The following DMRT1 variants were observed in gnomAD, a reference collection of about 807,000 sequenced individuals.
DMRT1 encodes the protein doublesex and mab-3 related transcription factor 1, also known as doublesex- and mab-3-related transcription factor 1.
DMRT1 carries 7 observed loss-of-function variants against 32.3 expected under a neutral mutation model. The ratio of observed to expected loss-of-function variants is 0.22; its 90% CI spans 0.12 to 0.41. The LOEUF (loss-of-function observed/expected upper bound fraction) is 0.41, where lower values mean the gene tolerates loss of function less well. DMRT1 is among the 10% of genes least tolerant of loss of function. DMRT1 has a pLI of 1.00. For synonymous variants in DMRT1, 278 were observed against 206.1 expected (o/e 1.35, Z -2.99); for missense variants, 625 against 500.5 (o/e 1.25, Z -2.37).
At chr9:856,106 G>C (rs1185253134) in intron 2 of DMRT1, among the ~76,000 whole-genome samples, 1 of 151,866 alleles carries the variant, frequency 6.6e-6, no homozygotes, top group Non-Finnish European at 1.5e-5. Flanking sequence ...TAGTAGAGAC[G>C]AGGTTTCACC....
At chr9:866,635 G>A (rs962776549) in intron 2 of DMRT1, among the ~76,000 whole-genome samples, 1 of 152,214 alleles carries the variant, frequency 6.6e-6, no homozygotes, top group African/African-American at 2.4e-5. Context: ...CTGATACACT[G>A]ATACCAAATG....
At chr9:958,884 G>T (rs566472416) in intron 4 of DMRT1, among the ~76,000 whole-genome samples, 1 of 152,336 alleles carries the variant, frequency 6.6e-6, no homozygotes, top group African/African-American at 2.4e-5. Flanking sequence ...TCCTCTGGCA[G>T]TGGTGTTGAC....
At chr9:849,042 G>A (rs552029048) in intron 2 of DMRT1, among the ~76,000 whole-genome samples, 66 of 151,270 alleles carry the variant, frequency 4.4e-4, no homozygotes, top group Non-Finnish European at 6.8e-4. Context: ...AAGTTCCAGT[G>A]CCAGGTTTTC....
chr9:954,415 A>G (rs558070399), intron 4 of DMRT1, among the ~76,000 whole-genome samples: 2 of 152,070 alleles, frequency 1.3e-5, no homozygotes, highest in African/African-American at 2.4e-5. Context: ...AAGGAAGGAT[A>G]TGTGTAAGGA....
intron 4 of DMRT1, among the ~76,000 whole-genome samples, chr9:961,136 G>A (rs1036119824): frequency 1.3e-5 from 2 of 152,120 alleles, no homozygotes; most frequent in African/African-American, 2.4e-5. Context: ...GCCCACCTCC[G>A]GAGCCCACAC....
intron 4 of DMRT1, among the ~76,000 whole-genome samples, chr9:950,677 G>GC (rs1819399742): frequency 6.6e-6 from 1 of 152,100 alleles, no homozygotes; most frequent in Admixed American, 6.5e-5. Context: ...GCATTTACCA[G>GC]CTCCTGCCTT....
Position 965,165 on chromosome 9 carries a change from A to G in DMRT1, c.968-2820A>G, listed in dbSNP as rs1170782897. Among the ~76,000 whole-genome samples the G allele has an allele frequency of 6.6e-6, 1 of 152,218 alleles. No individual in the cohort carries two copies. Among genetic ancestry groups the G allele is most frequent in the Non-Finnish European group, 1.5e-5 (1 of 68,040 alleles). Reference sequence around the variant, plus strand: ...AAAGTGATTTTGGACATTAGTCACTAAGGAAAAACACACTAAATCTTTTCA... The same window carrying G: ...AAAGTGATTTTGGACATTAGTCACTGAGGAAAAACACACTAAATCTTTTCA... On this transcript the variant is annotated intron_variant, in intron 4 of 4. Coordinates refer to ENST00000382276, the MANE Select transcript of DMRT1 (RefSeq NM_021951.3). The surrounding 1 kb of genome is among the most constrained non-coding windows in gnomAD (Gnocchi z 4.5).
chr9:846,960 G>C lies in DMRT1; in HGVS notation c.355G>C (p.Val119Leu). 1.9e-6 allele frequency: 3 copies of C among 1,614,100 alleles called. No individual in the cohort carries two copies. The highest frequency in any genetic ancestry group is 2.5e-6 in the Non-Finnish European group (3 of 1,180,032). ...ATGACTCATTGTCGTGTGCTTCCAG[G>C]TGGCCCTGAGAAGGCAGCAGGCCCA... ...AERQRVMAAQ[V>L]ALRRQQAQEE... Residue 119 changes from valine (V) to leucine (L), a missense_variant and splice_region_variant, in exon 2 of 5, where the codon GTG becomes CTG. By Grantham distance (32) the Val-to-Leu change is conservative. Around this residue, in one of 3 missense-constraint regions of DMRT1, gnomAD observed 8 missense variants for 27.0 expected, o/e 0.30. Coordinates refer to ENST00000382276, the MANE Select transcript of DMRT1 (RefSeq NM_021951.3).
intron 2 of DMRT1, among the ~76,000 whole-genome samples, chr9:882,255 G>C (rs1816761776): frequency 1.3e-5 from 2 of 152,290 alleles, no homozygotes; most frequent in South Asian, 4.1e-4. Flanking sequence ...CTGGGGGTGT[G>C]AAGGGGGATC....
chr9:874,977 T>G (rs11792256), intron 2 of DMRT1, among the ~76,000 whole-genome samples: 20,767 of 151,248 alleles, frequency 0.14, 1,582 homozygotes, highest in African/African-American at 0.18. Flanking sequence ...CCGGCAAATT[T>G]TTTGTATTTT....
Position 953,093 on chromosome 9 carries a change from C to T in DMRT1, c.968-14892C>T, listed in dbSNP as rs191611384. Among the ~76,000 whole-genome samples the T allele has an allele frequency of 5.9e-5, 9 of 152,234 alleles. 1 individual carries two copies. The East Asian group carries it at 1.7e-3, about 29-fold the overall frequency. ...TTTTGCATACATGCTTTGTGTGTCC[C>T]TGTGAAGAATGCGGATTTGTTCATT... On this transcript the variant is annotated intron_variant, in intron 4 of 4. Coordinates refer to ENST00000382276, the MANE Select transcript of DMRT1 (RefSeq NM_021951.3).
At chr9:901,666 G>T (rs763202280) in intron 3 of DMRT1, among the ~76,000 whole-genome samples, 18 of 151,550 alleles carry the variant, frequency 1.2e-4, no homozygotes, top group African/African-American at 3.9e-4. Context: ...GACTTCACAT[G>T]AGTTTTTTTT....
chr9:964,227 A>AC (rs912291191), intron 4 of DMRT1, among the ~76,000 whole-genome samples: 1 of 151,882 alleles, frequency 6.6e-6, no homozygotes, highest in Non-Finnish European at 1.5e-5. Flanking sequence ...TTCTTTTTTG[A>AC]CAGTATAAAT....
At chr9:870,011 T>C (rs1816165627) in intron 2 of DMRT1, among the ~76,000 whole-genome samples, 1 of 152,222 alleles carries the variant, frequency 6.6e-6, no homozygotes, top group African/African-American at 2.4e-5. Context: ...GCACCCAGTT[T>C]GTATTGAACG....
At chr9:844,154 C>T (rs72697186) in intron 1 of DMRT1, among the ~76,000 whole-genome samples, 1 of 152,122 alleles carries the variant, frequency 6.6e-6, no homozygotes, top group Non-Finnish European at 1.5e-5. Flanking sequence ...GTAGAGGAGG[C>T]TGCTTACACC....
intron 4 of DMRT1, among the ~76,000 whole-genome samples, chr9:962,118 G>T (rs1349891856): frequency 6.6e-6 from 1 of 152,194 alleles, no homozygotes; most frequent in African/African-American, 2.4e-5. Context: ...TTAAAACATA[G>T]TTTTAGAGTG....
At chr9:893,017 C>A (rs1401272544) in intron 2 of DMRT1, among the ~76,000 whole-genome samples, 1 of 152,094 alleles carries the variant, frequency 6.6e-6, no homozygotes, top group Non-Finnish European at 1.5e-5. Flanking sequence ...AGGCTACAAG[C>A]CATCTCTGTT....
intron 3 of DMRT1, among the ~76,000 whole-genome samples, chr9:896,313 G>C (rs1817360733): frequency 1.6e-5 from 2 of 128,258 alleles, no homozygotes; most frequent in African/African-American, 3.0e-5. Flanking sequence ...TCCTGAGACA[G>C]AGTCTCACTC....
At chr9:887,800 CT>C (rs776956676) in intron 2 of DMRT1, among the ~76,000 whole-genome samples, 1 of 152,122 alleles carries the variant, frequency 6.6e-6, no homozygotes, top group Non-Finnish European at 1.5e-5. Flanking sequence ...TGGATTATTG[CT>C]TTGTAGATTT....
Sources: allele counts gnomAD v4.1 joint callset (sites outside exome capture counted in the v4.1 genomes callset), GRCh38; gene constraint gnomAD v4.1.1; regional missense constraint gnomAD v4.1.1; non-coding constraint Gnocchi (gnomAD v3.1); transcripts MANE v1.5; gene names NCBI Gene and HGNC (gene_info 2026-07-23, HGNC 2026-07-21).